Variants in PHC2 observed in about 807,000 individuals in gnomAD.
PHC2 encodes polyhomeotic homolog 2.
In PHC2, 29 loss-of-function variants were observed where a neutral mutation model predicts 87.4. That is an observed-to-expected ratio of 0.33 (90% CI 0.25 to 0.45). The LOEUF (loss-of-function observed/expected upper bound fraction) is 0.45. Among genes scored for constraint, PHC2 ranks in the 20% least tolerant of loss-of-function variants. The pLI is 1.00. For missense variants in PHC2, 857 were observed against 1,136.7 expected (o/e 0.75, Z 3.54); for synonymous variants, 438 against 461.7 (o/e 0.95, Z 0.66).
At position 33,388,931 on chromosome 1, in the gene PHC2, G is replaced by A. The variant is rs1329941991; in HGVS notation, c.-54-13338C>T. Among the ~76,000 whole-genome samples, 3 of 152,014 alleles carry A rather than the reference G, an allele frequency of 2.0e-5. No homozygotes were observed. The East Asian group carries it at 5.8e-4, about 29-fold the overall frequency. On this transcript the variant is annotated intron_variant, in intron 1 of 14. Coordinates refer to ENST00000683057, the MANE Select transcript of PHC2 (RefSeq NM_001385109.1). Reference sequence around the variant, plus strand: ...GGGAGTGCCTTGAATGTGGAGAAGGGAAGATTCTCAAACATGTGGGTTTTT... The same window carrying A: ...GGGAGTGCCTTGAATGTGGAGAAGGAAAGATTCTCAAACATGTGGGTTTTT...
At position 33,333,022 on chromosome 1, in the gene PHC2, C is replaced by T. The variant is rs1439447478; in HGVS notation, c.1762-618G>A. Among the ~76,000 whole-genome samples, 3 of 152,262 alleles carry T rather than the reference C, an allele frequency of 2.0e-5. No individual in the cohort carries two copies. The East Asian group carries it at 5.8e-4, about 29-fold the overall frequency. ...CAGCCTGGTAGCCAGTCACGTGGCA[C>T]CGACTCTAGGGCAATGCTGGGGGTG... On this transcript the variant is annotated intron_variant, in intron 10 of 14. Coordinates refer to ENST00000683057, the MANE Select transcript of PHC2 (RefSeq NM_001385109.1).
chr1:33,371,977 C>T (rs1486019764), intron 3 of PHC2, among the ~76,000 whole-genome samples: 1 of 152,228 alleles, frequency 6.6e-6, no homozygotes, highest in Non-Finnish European at 1.5e-5. Flanking sequence ...CAGTGCCCTT[C>T]GTTCACGAAC....
chr1:33,349,897 T>TGCG lies in PHC2; in HGVS notation c.1558+4501_1558+4503dup. The TGCG allele has an allele frequency of 1.0e-6, 1 of 966,644 alleles. No homozygotes were observed. The highest frequency in any genetic ancestry group is 1.2e-6 in the Non-Finnish European group (1 of 822,028). 59.9% of individuals were successfully genotyped at this position (966,644 alleles called of 1,614,324 possible). A position where few individuals can be genotyped will look rare whatever the true frequency, so the allele number is the denominator to read the frequency against. Reference sequence around the variant, plus strand: ...AGGGCTGCAGCCGCCGCGGAGACAATGCGGCGAGTCTGGGACGGCTCCCGC... The same window carrying TGCG: ...AGGGCTGCAGCCGCCGCGGAGACAATGCGGCGGCGAGTCTGGGACGGCTCCCGC... On this transcript the variant is annotated intron_variant, in intron 9 of 14. Coordinates refer to ENST00000683057, the MANE Select transcript of PHC2 (RefSeq NM_001385109.1). The surrounding 1 kb of genome is among the most constrained non-coding windows in gnomAD (Gnocchi z 4.2).
chr1:33,326,155 C>A, intron 14 of PHC2: 1 of 253,380 alleles, frequency 3.9e-6, no homozygotes, highest in Non-Finnish European at 8.1e-6. Context: ...TACTGCTGCT[C>A]ACAGTAAAAT....
chr1:33,400,569 A>G (rs961766886), intron 1 of PHC2, among the ~76,000 whole-genome samples: 26 of 152,238 alleles, frequency 1.7e-4, no homozygotes, highest in Non-Finnish European at 3.8e-4. Flanking sequence ...CATATTATAA[A>G]TGAGGAAAAT....
chr1:33,367,530 A>G, intron 6 of PHC2, 102 bp from the exon 7 acceptor site: 1 of 903,612 alleles, frequency 1.1e-6, no homozygotes, highest in Non-Finnish European at 1.7e-6. Context: ...GGCTGAATAG[A>G]ACAGGAGGTT....
At chr1:33,398,658 G>A (rs572151162) in intron 1 of PHC2, among the ~76,000 whole-genome samples, 1 of 152,328 alleles carries the variant, frequency 6.6e-6, no homozygotes, top group Admixed American at 6.5e-5. Context: ...CAAGCTGGTA[G>A]TGCAGTTCTG....
chr1:33,400,296 A>T (rs980593575), intron 1 of PHC2, among the ~76,000 whole-genome samples: 1 of 152,246 alleles, frequency 6.6e-6, no homozygotes, highest in East Asian at 1.9e-4. Context: ...TCAGGGATAC[A>T]CATCCCCCAA....
In PHC2 at chr1:33,331,243, A is replaced by T; in HGVS notation, c.2006+105T>A. The T allele has an allele frequency of 1.7e-6, 1 of 576,456 alleles. No homozygotes were observed. 35.7% of individuals were successfully genotyped at this position (576,456 alleles called of 1,614,324 possible). On this transcript the variant is annotated intron_variant, in intron 12 of 14. Transcript: ENST00000683057. The surrounding 1 kb of genome is among the most constrained non-coding windows in gnomAD (Gnocchi z 5.2). ...TCCAGGTGGGTCGAGGAACTAGGAA[A>T]CTGGAGAAGCCACCCCTATGGACCT...
At chr1:33,428,052 C>T (rs1650752974) in intron 1 of PHC2, among the ~76,000 whole-genome samples, 1 of 152,150 alleles carries the variant, frequency 6.6e-6, no homozygotes, top group African/African-American at 2.4e-5. Flanking sequence ...TTAAGCATCT[C>T]AAAAAGGTAC....
At chr1:33,373,116 T>C (rs1398226149) in intron 2 of PHC2, among the ~76,000 whole-genome samples, 2 of 94,790 alleles carry the variant, frequency 2.1e-5, no homozygotes, top group African/African-American at 1.4e-4. Context: ...ACTCCCCTTT[T>C]ATTCTTTTTT....
intron 1 of PHC2, among the ~76,000 whole-genome samples, chr1:33,421,550 G>A (rs139714235): frequency 6.6e-6 from 1 of 152,270 alleles, no homozygotes; most frequent in East Asian, 1.9e-4. Context: ...AAACCCAAAT[G>A]AGCTCATTTC....
chr1:33,397,589 G>A (rs1334367400), intron 1 of PHC2, among the ~76,000 whole-genome samples: 1 of 152,124 alleles, frequency 6.6e-6, no homozygotes, highest in South Asian at 2.1e-4. Flanking sequence ...TCTGAGACTG[G>A]TCCAGATTCA....
chr1:33,362,573 C>T (rs988576095), intron 7 of PHC2, among the ~76,000 whole-genome samples: 1 of 152,194 alleles, frequency 6.6e-6, no homozygotes, highest in Non-Finnish European at 1.5e-5. Flanking sequence ...ACAAACTCCT[C>T]TGTAAGTGAA....
chr1:33,418,857 A>G (rs1650313119), intron 1 of PHC2, among the ~76,000 whole-genome samples: 1 of 152,246 alleles, frequency 6.6e-6, no homozygotes, highest in Non-Finnish European at 1.5e-5. Flanking sequence ...AGCAGAAAAC[A>G]TGGAGAAGAG....
intron 9 of PHC2, chr1:33,346,264 A>G: frequency 1.0e-6 from 1 of 985,284 alleles, no homozygotes; most frequent in Non-Finnish European, 1.2e-6. Context: ...TCAGAGGGGC[A>G]CCTCACTCCA....
chr1:33,328,042 TA>T (rs1646409126), intron 14 of PHC2, among the ~76,000 whole-genome samples: 5 of 152,260 alleles, frequency 3.3e-5, no homozygotes, highest in Non-Finnish European at 7.3e-5. Context: ...TCTGTGCTCT[TA>T]ACCACACTGC....
chr1:33,408,772 A>G (rs1649869090), intron 1 of PHC2, among the ~76,000 whole-genome samples: 1 of 152,132 alleles, frequency 6.6e-6, no homozygotes, highest in South Asian at 2.1e-4. Flanking sequence ...GCCTGTTTTT[A>G]GTAGGTTTTA....
At position 33,324,629 on chromosome 1, in the gene PHC2, A is replaced by G. The variant is rs537810146; in HGVS notation, c.*236T>C. On this transcript the variant is annotated 3_prime_UTR_variant, in exon 15 of 15. Transcript: ENST00000683057. ...ACTTTGGAGGAAGCCAGTGCTATCA[A>G]TATTTACAAGCATAAAGCCCCATCT... The G allele has an allele frequency of 8.3e-5, 37 of 444,084 alleles. No homozygotes were observed. Among genetic ancestry groups the G allele is most frequent in the African/African-American group, 1.2e-4 (6 of 50,586 alleles). 27.5% of individuals were successfully genotyped at this position (444,084 alleles called of 1,614,324 possible).
Sources: gnomAD v4.1 joint callset for allele counts (sites outside exome capture counted in the v4.1 genomes callset) on GRCh38, gnomAD v4.1.1 for gene constraint, Gnocchi (gnomAD v3.1) non-coding constraint, MANE v1.5 for transcripts, NCBI Gene and HGNC (gene_info 2026-07-23, HGNC 2026-07-21) for gene names.